Variants in ANAPC2 observed in about 807,000 individuals in gnomAD.
ANAPC2 encodes the protein anaphase promoting complex subunit 2, also known as anaphase-promoting complex subunit 2.
Under a neutral mutation model 84.3 loss-of-function variants are expected in ANAPC2, and 29 were observed. That is an observed-to-expected ratio of 0.34 (90% CI 0.26 to 0.47). The LOEUF (loss-of-function observed/expected upper bound fraction) is 0.47. ANAPC2 is among the 20% of genes least tolerant of loss of function. The probability of loss-of-function intolerance (pLI) is 1.00; values close to 1 mark genes in which losing one functional copy is unlikely to be tolerated. For missense variants in ANAPC2, 857 were observed against 1,131.7 expected (o/e 0.76, Z 3.48); for synonymous variants, 571 against 479.4 (o/e 1.19, Z -2.50).
chr9:137,175,886 G>A (rs35045741), intron 10 of ANAPC2, 49 bp from the exon 11 acceptor site: 2 of 1,538,490 alleles, frequency 1.3e-6, no homozygotes, highest in Admixed American at 2.0e-5. Flanking sequence ...AGGGCGCTCA[G>A]GCCCGTGGGC....
chr9:137,175,560 C>T, intron 11 of ANAPC2, 88 bp from the exon 12 acceptor site: 1 of 1,478,894 alleles, frequency 6.8e-7, no homozygotes, highest in Non-Finnish European at 9.0e-7. Flanking sequence ...CGGGGGGCTC[C>T]CGGGCCACCC....
intron 7 of ANAPC2, 51 bp from the exon 8 acceptor site, chr9:137,180,980 AG>A: frequency 7.5e-6 from 12 of 1,595,962 alleles, no homozygotes; most frequent in Non-Finnish European, 1.0e-5. Flanking sequence ...GGGCAAGGAC[AG>A]GGCCGCCCTC....
chr9:137,181,942 C>T, intron 6 of ANAPC2, 80 bp from the exon 7 acceptor site: 1 of 1,476,062 alleles, frequency 6.8e-7, no homozygotes, highest in African/African-American at 1.4e-5. Context: ...GTCCCGGCCC[C>T]ATCTAGGCCA....
intron 2 of ANAPC2, chr9:137,186,674 T>G (rs1320928993): frequency 8.1e-6 from 3 of 371,080 alleles, no homozygotes; most frequent in African/African-American, 2.0e-5. Context: ...CCTTATCTCC[T>G]AGGATCAACT....
chr9:137,188,179 G>A (rs1281791643), intron 1 of ANAPC2, 76 bp from the exon 2 acceptor site: 1 of 1,526,572 alleles, frequency 6.6e-7, no homozygotes, highest in Admixed American at 1.9e-5. Context: ...AAGAAGCTGA[G>A]GGGGAGGCTG....
rs1472546901 is a variant in ANAPC2 at position 137,174,915 on chromosome 9, C to T, written c.*27G>A. ...AGAGCACCTGCAGGGCAGCGCCTGG[C>T]GGGCGGGCGGGCGGGCGGGCGATGT... On this transcript the variant is annotated 3_prime_UTR_variant, in exon 13 of 13. Transcript: ENST00000323927. This position sits in a 1 kb window ranked among gnomAD's most constrained non-coding sequence, Gnocchi z 6.1. 81 of 356,352 alleles carry T rather than the reference C, an allele frequency of 2.3e-4. No homozygotes were observed. The African/African-American group carries it at 4.5e-3, about 20-fold the overall frequency. 22.1% of individuals were successfully genotyped at this position (356,352 alleles called of 1,614,324 possible).
At chr9:137,179,666 T>C (rs950072200) in intron 10 of ANAPC2, among the ~76,000 whole-genome samples, 2 of 152,202 alleles carry the variant, frequency 1.3e-5, no homozygotes, top group Admixed American at 1.3e-4. Context: ...CAAGTACCAC[T>C]GGAGCCTGCA....
chr9:137,181,002 G>A (rs1031203111), intron 7 of ANAPC2, 73 bp from the exon 8 acceptor site: 28 of 1,566,990 alleles, frequency 1.8e-5, no homozygotes, highest in Middle Eastern at 1.9e-4. Context: ...CTCCCATCCC[G>A]CCCAGCCAGA....
In ANAPC2 at chr9:137,185,082, G is replaced by C; in HGVS notation, c.879C>G (p.Ile293Met). ...RSFLREFHKW[I>M]ERVVGWLGKV... ...TGCCGAGCCAGCCGACCACCCGCTC[G>C]ATCCACTGTCAGGAGAACGCTAGTG... Residue 293 changes from isoleucine (I) to methionine (M), a missense_variant, in exon 4 of 13, where the codon ATC becomes ATG. By Grantham distance (10) the Ile-to-Met change is conservative (BLOSUM62 1). This residue lies in a region of ANAPC2 where 428 missense variants were observed against 513.8 expected (regional missense o/e 0.83). Coordinates refer to ENST00000323927, the MANE Select transcript of ANAPC2 (RefSeq NM_013366.4). 6.5e-7 allele frequency: 1 copy of C among 1,542,224 alleles called. No homozygotes were observed. The highest frequency in any genetic ancestry group is 8.7e-7 in the Non-Finnish European group (1 of 1,144,188).
Position 137,175,461 on chromosome 9 carries a change from G to A in ANAPC2, c.2032C>T (p.Leu678=), listed in dbSNP as rs1407968138. Residue 678 remains leucine, a synonymous_variant, in exon 12 of 13, where the codon CTG becomes TTG. Transcript: ENST00000323927. The part of the protein sequence containing the change: ...LYFQDQASWT[L]EELSKAVKMP... Reference sequence around the variant, plus strand: ...TTCACCGCCTTGCTCAGTTCCTCCAGGGTCCAGCTGGCTGCGTGCAGAGTC... The same window carrying A: ...TTCACCGCCTTGCTCAGTTCCTCCAAGGTCCAGCTGGCTGCGTGCAGAGTC... 6.4e-7 allele frequency: 1 copy of A among 1,573,594 alleles called. No individual in the cohort carries two copies. The highest frequency in any genetic ancestry group is 8.6e-7 in the Non-Finnish European group (1 of 1,160,958).
chr9:137,175,227 GCAC>G lies in ANAPC2; in HGVS notation c.2256+7_2256+9del. ...CGCCCCCTGGCCCCCCGTGGGGCCT[GCAC>G]GCGCACCAGCAGCTCCTCCTCCTTC... On this transcript the variant is annotated splice_region_variant and intron_variant, in intron 12 of 12. Transcript: ENST00000323927. 1 of 1,610,820 alleles carries G rather than the reference GCAC, an allele frequency of 6.2e-7. No homozygotes were observed. The highest frequency in any genetic ancestry group is 1.3e-5 in the African/African-American group (1 of 75,028).
chr9:137,187,581 G>A lies in ANAPC2; in HGVS notation c.640C>T (p.Arg214Trp), dbSNP rs1264545647. The change falls in exon 2 of 13, where the codon CGG becomes TGG. Residue 214 changes from arginine to tryptophan, a missense_variant. Arg to Trp is a moderately radical substitution (Grantham distance 101, BLOSUM62 -3). Transcript: ENST00000323927. ...DSRYARRRYYRLLQSPLCAGC... is the reference protein window; with the variant it reads ...DSRYARRRYYWLLQSPLCAGC... ...GCACACAGCGGGCTCTGCAGGAGCC[G>A]GTAGTACCGGCGACGGGCATACCGG... 3 of 1,613,840 alleles carry A rather than the reference G, an allele frequency of 1.9e-6. No individual in the cohort carries two copies. Among genetic ancestry groups the A allele is most frequent in the Admixed American group, 1.7e-5 (1 of 60,008 alleles).
At chr9:137,186,744 G>A (rs1302930762) in intron 2 of ANAPC2, 1 of 215,070 alleles carries the variant, frequency 4.6e-6, no homozygotes, top group African/African-American at 2.3e-5. Context: ...GCCACTGTTT[G>A]TGCCTTTCAG....
In ANAPC2 at chr9:137,186,208, A is replaced by G. The variant is rs1239167075; in HGVS notation, c.873+16T>C. On this transcript the variant is annotated intron_variant, in intron 3 of 12. Coordinates refer to ENST00000323927, the MANE Select transcript of ANAPC2 (RefSeq NM_013366.4). Reference sequence around the variant, plus strand: ...CCTGTCTCCAGCGGGGCACAGCCCAAGGGAGGGGTCCTCACCTTGTGGAAC... The same window carrying G: ...CCTGTCTCCAGCGGGGCACAGCCCAGGGGAGGGGTCCTCACCTTGTGGAAC... The G allele has an allele frequency of 2.5e-6, 4 of 1,611,724 alleles. No homozygotes were observed. The Admixed American group carries it at 6.7e-5, about 27-fold the overall frequency.
Position 137,183,899 on chromosome 9 carries a change from G to A in ANAPC2, c.1049-108C>T, listed in dbSNP as rs1046685946. 8 of 1,471,578 alleles carry A rather than the reference G, an allele frequency of 5.4e-6. No individual in the cohort carries two copies. In the East Asian group the frequency reaches 9.3e-5, roughly 17 times the overall value. 91.2% of individuals were successfully genotyped at this position (1,471,578 alleles called of 1,614,324 possible). On this transcript the variant is annotated intron_variant, in intron 4 of 12. Transcript: ENST00000323927. The stretch of plus-strand genomic sequence containing the variant: ...AAAGGACACGTGCTTGCCAGCCCCA[G>A]GACGATGATGAGACCACCTGCTAGG...
intron 3 of ANAPC2, among the ~76,000 whole-genome samples, chr9:137,185,856 G>A (rs1406241496): frequency 6.6e-6 from 1 of 152,142 alleles, no homozygotes; most frequent in Non-Finnish European, 1.5e-5. Context: ...GTCCATTAGG[G>A]ACCGGCCAAG....
chr9:137,181,875 G>A lies in ANAPC2; in HGVS notation c.1287-13C>T. 2 of 1,595,960 alleles carry A rather than the reference G, an allele frequency of 1.3e-6. No homozygotes were observed. The highest frequency in any genetic ancestry group is 1.1e-5 in the South Asian group (1 of 90,118). On this transcript the variant is annotated splice_polypyrimidine_tract_variant and intron_variant, in intron 6 of 12. Transcript: ENST00000323927. ...GTCCTCCCGCGTCCTGCCGATGTGA[G>A]TGCTGCTGTGGCCCACAGTGTGGAC...
intron 7 of ANAPC2, 124 bp downstream of exon 7, chr9:137,181,557 A>G: frequency 9.0e-7 from 1 of 1,115,556 alleles, no homozygotes; most frequent in Non-Finnish European, 1.2e-6. Flanking sequence ...GACACCCTCA[A>G]GCCTCTGAGA....
chr9:137,182,190 G>A (rs1002077314), intron 6 of ANAPC2, among the ~76,000 whole-genome samples: 2 of 151,922 alleles, frequency 1.3e-5, no homozygotes, highest in Admixed American at 6.6e-5. Context: ...CCAACAGAGC[G>A]AGAGCCTGCC....
Sources: allele counts gnomAD v4.1 joint callset (sites outside exome capture counted in the v4.1 genomes callset), GRCh38; gene constraint gnomAD v4.1.1; regional missense constraint gnomAD v4.1.1; non-coding constraint Gnocchi (gnomAD v3.1); transcripts MANE v1.5; gene names NCBI Gene and HGNC (gene_info 2026-07-23, HGNC 2026-07-21).